Variants in FAM184B observed in about 807,000 individuals in gnomAD.
FAM184B encodes the protein protein FAM184B.
FAM184B carries 111 observed loss-of-function variants against 135.9 expected under a neutral mutation model. The observed-to-expected ratio is 0.82, with a 90% confidence interval of 0.70 to 0.96. The LOEUF is 0.96. Ranked by LOEUF, FAM184B falls within the 40% of genes least tolerant of loss-of-function variation. FAM184B has a pLI of 0.00. For synonymous variants in FAM184B, 552 were observed against 524.8 expected (o/e 1.05, Z -0.71); for missense variants, 1,375 against 1,323.9 (o/e 1.04, Z -0.60).
At chr4:17,741,420 G>A (rs1162413823) in intron 1 of FAM184B, among the ~76,000 whole-genome samples, 1 of 152,208 alleles carries the variant, frequency 6.6e-6, no homozygotes, top group Non-Finnish European at 1.5e-5. Flanking sequence ...CTGGCCGGGC[G>A]TGGTGGCTCA....
chr4:17,671,308 G>T (rs1389588493), intron 7 of FAM184B, among the ~76,000 whole-genome samples: 1 of 152,146 alleles, frequency 6.6e-6, no homozygotes, highest in African/African-American at 2.4e-5. Flanking sequence ...TCCCTAGAGG[G>T]CTAGCTTTTG....
chr4:17,766,302 A>C (rs11721963), intron 1 of FAM184B, among the ~76,000 whole-genome samples: 55,456 of 152,048 alleles, frequency 0.36, 11,746 homozygotes, highest in Non-Finnish European at 0.48. Flanking sequence ...CTAGACACAA[A>C]AGTTGTTCAA....
chr4:17,729,105 G>A (rs1017301806), intron 1 of FAM184B, among the ~76,000 whole-genome samples: 4 of 152,214 alleles, frequency 2.6e-5, no homozygotes, highest in African/African-American at 7.2e-5. Context: ...ATTATATCCC[G>A]CACATGGCTT....
At chr4:17,732,500 G>A (rs1215538983) in intron 1 of FAM184B, among the ~76,000 whole-genome samples, 1 of 152,000 alleles carries the variant, frequency 6.6e-6, no homozygotes, top group Non-Finnish European at 1.5e-5. Flanking sequence ...AATGATAAAG[G>A]GGATATCACC....
intron 1 of FAM184B, among the ~76,000 whole-genome samples, chr4:17,739,555 G>GTTTTGTTTTTTTTTTTTTT (rs1553841420): frequency 3.2e-5 from 2 of 62,510 alleles, no homozygotes; most frequent in African/African-American, 1.2e-4. Flanking sequence ...CATACCAACT[G>GTTTTGTTTTTTTTTTTTTT]TTTTTTTTTT....
chr4:17,637,344 G>A (rs149962675), intron 14 of FAM184B, among the ~76,000 whole-genome samples: 125 of 152,292 alleles, frequency 8.2e-4, no homozygotes, highest in African/African-American at 2.6e-3. Flanking sequence ...CTTTTTCAGC[G>A]TGAAGCCAGA....
At chr4:17,707,476 G>T (rs541497238) in intron 3 of FAM184B, among the ~76,000 whole-genome samples, 173 bp downstream of exon 3, 167 of 152,288 alleles carry the variant, frequency 1.1e-3, no homozygotes, top group African/African-American at 3.7e-3. Flanking sequence ...GGCAGCTGTA[G>T]TTGTCAGCTC....
chr4:17,699,480 A>T (rs1236471523), intron 5 of FAM184B, among the ~76,000 whole-genome samples: 1 of 152,166 alleles, frequency 6.6e-6, no homozygotes, highest in East Asian at 1.9e-4. Flanking sequence ...ACTATGCACA[A>T]GGAAAAGAAG....
chr4:17,773,889 T>C (rs1718870978), intron 1 of FAM184B, among the ~76,000 whole-genome samples: 2 of 152,192 alleles, frequency 1.3e-5, no homozygotes, highest in African/African-American at 4.8e-5. Flanking sequence ...GCCTTCAGTT[T>C]GAGAGATGGT....
At chr4:17,772,629 A>T (rs774603067) in intron 1 of FAM184B, among the ~76,000 whole-genome samples, 5 of 152,242 alleles carry the variant, frequency 3.3e-5, no homozygotes, top group Non-Finnish European at 1.5e-5. Context: ...GATCTTTAGG[A>T]TGGCCCAATA....
At chr4:17,698,169 C>T (rs1269462526) in intron 5 of FAM184B, among the ~76,000 whole-genome samples, 1 of 152,072 alleles carries the variant, frequency 6.6e-6, no homozygotes, top group Non-Finnish European at 1.5e-5. Flanking sequence ...CTGCTTCAGC[C>T]CAAACCTGGA....
At chr4:17,759,180 T>C (rs1718487085) in intron 1 of FAM184B, among the ~76,000 whole-genome samples, 1 of 152,182 alleles carries the variant, frequency 6.6e-6, no homozygotes, top group Non-Finnish European at 1.5e-5. Context: ...GTCTCCTTGA[T>C]ATGGTTTGGA....
intron 1 of FAM184B, among the ~76,000 whole-genome samples, chr4:17,749,336 C>T (rs1718243435): frequency 6.6e-6 from 1 of 151,704 alleles, no homozygotes; most frequent in East Asian, 1.9e-4. Context: ...AATCCCAGCA[C>T]TTTGGGAGGC....
intron 13 of FAM184B, among the ~76,000 whole-genome samples, chr4:17,641,819 G>A (rs1715325460): frequency 1.3e-5 from 2 of 151,904 alleles, no homozygotes; most frequent in Non-Finnish European, 2.9e-5. Context: ...TTTATTTCAA[G>A]GCACTTCCTC....
intron 1 of FAM184B, among the ~76,000 whole-genome samples, chr4:17,742,143 T>TGA (rs1333163381): frequency 2.0e-4 from 2 of 9,800 alleles, no homozygotes; most frequent in African/African-American, 5.4e-4. Context: ...TATGAATATA[T>TGA]ATATATATAT....
At chr4:17,659,858 A>G (rs1715871754) in intron 9 of FAM184B, 100 bp downstream of exon 9, 1 of 1,446,302 alleles carries the variant, frequency 6.9e-7, no homozygotes, top group South Asian at 1.4e-5. Context: ...ATGCCTTCCC[A>G]GCTTGGATGT....
intron 1 of FAM184B, among the ~76,000 whole-genome samples, chr4:17,741,623 G>GCGGAAGTTGCAGTGAGC (rs1001288121): frequency 1.3e-5 from 2 of 152,180 alleles, no homozygotes; most frequent in African/African-American, 4.8e-5. Flanking sequence ...AACCCAGGAG[G>GCGGAAGTTGCAGTGAGC]CGGAAGTTGC....
Position 17,674,970 on chromosome 4 carries a change from T to C in FAM184B, c.1597-10311A>G, listed in dbSNP as rs79690389. Among the ~76,000 whole-genome samples, 362 of 152,188 alleles carry C rather than the reference T, an allele frequency of 2.4e-3. 8 individuals are homozygous for C. Among genetic ancestry groups the C allele is most frequent in the African/African-American group, 8.5e-3 (352 of 41,470 alleles). On this transcript the variant is annotated intron_variant, in intron 7 of 17. Coordinates refer to ENST00000265018, the MANE Select transcript of FAM184B (RefSeq NM_015688.2). ...TCATCCATGAGGGTTGGAATCAATT[T>C]CTTTCAAACTCTTATTGTTGTTTTT... is the stretch of plus-strand genomic sequence containing the variant.
At chr4:17,641,756 C>T (rs181297818) in intron 13 of FAM184B, among the ~76,000 whole-genome samples, 5 of 150,164 alleles carry the variant, frequency 3.3e-5, no homozygotes, top group African/African-American at 1.2e-4. Context: ...CCTCTGCCAA[C>T]CAAAGTGCTG....
Sources: allele counts gnomAD v4.1 joint callset (sites outside exome capture counted in the v4.1 genomes callset), GRCh38; gene constraint gnomAD v4.1.1; transcripts MANE v1.5; gene names NCBI Gene and HGNC (gene_info 2026-07-23, HGNC 2026-07-21).